The following XKR6 variants were observed in gnomAD, a reference collection of about 807,000 sequenced individuals.
The protein encoded by XKR6 is XK related 6, also known as XK-related protein 6.
XKR6 carries 22 observed loss-of-function variants against 56.7 expected under a neutral mutation model. The observed-to-expected ratio is 0.39, with a 90% CI of 0.28 to 0.55. XKR6 has a LOEUF of 0.55. Ranked by LOEUF, XKR6 falls within the 20% of genes least tolerant of loss-of-function variation. The pLI is 0.66. For missense variants in XKR6, 852 were observed against 889.0 expected (o/e 0.96, Z 0.53); for synonymous variants, 524 against 387.8 (o/e 1.35, Z -4.13).
At chr8:11,038,596 A>G (rs964292330) in intron 1 of XKR6, among the ~76,000 whole-genome samples, 2 of 149,166 alleles carry the variant, frequency 1.3e-5, no homozygotes, top group Non-Finnish European at 3.0e-5. Context: ...GTGCAGTTGT[A>G]TGATCACAGC....
intron 1 of XKR6, among the ~76,000 whole-genome samples, chr8:11,050,281 G>T (rs1241588974): frequency 6.6e-6 from 1 of 152,146 alleles, no homozygotes; most frequent in African/African-American, 2.4e-5. Flanking sequence ...CTATCGTCGA[G>T]ATCGCGGCTG....
At chr8:11,082,116 C>G (rs1278246761) in intron 1 of XKR6, among the ~76,000 whole-genome samples, 1 of 152,210 alleles carries the variant, frequency 6.6e-6, no homozygotes, top group Non-Finnish European at 1.5e-5. Flanking sequence ...GAAGATGCTG[C>G]CGTCGGGTGA....
At chr8:11,146,771 C>G (rs1801007222) in intron 1 of XKR6, among the ~76,000 whole-genome samples, 1 of 151,916 alleles carries the variant, frequency 6.6e-6, no homozygotes, top group African/African-American at 2.4e-5. Context: ...TAAACACACA[C>G]AATGAAAAAA....
At chr8:11,081,611 T>C (rs1563123514) in intron 1 of XKR6, among the ~76,000 whole-genome samples, 1 of 152,212 alleles carries the variant, frequency 6.6e-6, no homozygotes, top group Non-Finnish European at 1.5e-5. Flanking sequence ...TCCTCGGCAG[T>C]AACTTCACTC....
At chr8:11,079,861 G>C (rs1161404080) in intron 1 of XKR6, among the ~76,000 whole-genome samples, 2 of 152,128 alleles carry the variant, frequency 1.3e-5, no homozygotes, top group African/African-American at 4.8e-5. Context: ...CAGCCACTCA[G>C]AAGGCTGAGG....
At chr8:11,105,988 T>G (rs1454576959) in intron 1 of XKR6, 1 of 152,272 alleles carries the variant, frequency 6.6e-6, no homozygotes, top group Non-Finnish European at 1.5e-5. Flanking sequence ...CACTTAATTT[T>G]TATTACACCA....
intron 1 of XKR6, among the ~76,000 whole-genome samples, chr8:10,998,252 A>G (rs1294028780): frequency 1.3e-5 from 2 of 151,966 alleles, no homozygotes; most frequent in Non-Finnish European, 2.9e-5. Flanking sequence ...AGGAGAAGAA[A>G]GAGAAGGAGT....
intron 1 of XKR6, chr8:11,108,451 GAAGA>G: frequency 2.4e-6 from 1 of 425,000 alleles, no homozygotes; most frequent in Non-Finnish European, 4.7e-6. Context: ...AGAAATGTTA[GAAGA>G]AATATGTTCA....
chr8:11,105,139 G>C (rs529981279), intron 1 of XKR6: 1 of 152,238 alleles, frequency 6.6e-6, no homozygotes, highest in East Asian at 1.9e-4. Context: ...AGGTCCTCTA[G>C]GCAGAACTGA....
At chr8:11,132,449 G>A (rs1350424652) in intron 1 of XKR6, among the ~76,000 whole-genome samples, 3 of 151,066 alleles carry the variant, frequency 2.0e-5, no homozygotes, top group Non-Finnish European at 2.9e-5. Context: ...TGCAACCTCC[G>A]CCTCCCAGGC....
At chr8:11,176,693 C>T (rs761072670) in intron 1 of XKR6, among the ~76,000 whole-genome samples, 1 of 152,066 alleles carries the variant, frequency 6.6e-6, no homozygotes, top group African/African-American at 2.4e-5. Flanking sequence ...GCCACAGCCT[C>T]GAGGACTCTT....
chr8:10,975,118 CT>C (rs1360670411), intron 1 of XKR6, among the ~76,000 whole-genome samples: 2 of 152,168 alleles, frequency 1.3e-5, no homozygotes, highest in African/African-American at 4.8e-5. Context: ...CCTTGCTGCC[CT>C]GATGCTCCCA....
At chr8:11,053,411 G>C (rs1257210946) in intron 1 of XKR6, among the ~76,000 whole-genome samples, 22 of 152,332 alleles carry the variant, frequency 1.4e-4, no homozygotes, top group African/African-American at 1.9e-4. Context: ...ATCAATCCCA[G>C]GTCCTTCTGG....
chr8:10,927,263 C>G (rs367894459), intron 1 of XKR6, among the ~76,000 whole-genome samples: 97 of 152,226 alleles, frequency 6.4e-4, no homozygotes, highest in African/African-American at 2.3e-3. Flanking sequence ...GGCAGGGCTG[C>G]GTGCCCAGAT....
At chr8:11,155,957 G>C (rs1801500390) in intron 1 of XKR6, among the ~76,000 whole-genome samples, 1 of 152,178 alleles carries the variant, frequency 6.6e-6, no homozygotes, top group African/African-American at 2.4e-5. Flanking sequence ...TATTCTGTGT[G>C]AACTCAACCC....
intron 1 of XKR6, among the ~76,000 whole-genome samples, chr8:11,058,846 T>C (rs1197462468): frequency 6.6e-6 from 1 of 152,140 alleles, no homozygotes; most frequent in Non-Finnish European, 1.5e-5. Flanking sequence ...CAGAACTTAG[T>C]AAAATTTTTA....
intron 1 of XKR6, among the ~76,000 whole-genome samples, chr8:11,089,957 T>C (rs1798012001): frequency 6.6e-6 from 1 of 152,282 alleles, no homozygotes; most frequent in Non-Finnish European, 1.5e-5. Context: ...GGTTTTGTAC[T>C]GTAGATATTC....
intron 1 of XKR6, among the ~76,000 whole-genome samples, chr8:11,178,051 A>G (rs766275608): frequency 1.3e-3 from 193 of 152,266 alleles, no homozygotes; most frequent in Non-Finnish European, 2.2e-3. Flanking sequence ...CACAGCACAG[A>G]AAGCAGAGTG....
intron 1 of XKR6, among the ~76,000 whole-genome samples, chr8:11,171,770 G>A (rs529034385): frequency 7.0e-4 from 106 of 151,670 alleles, no homozygotes; most frequent in African/African-American, 2.4e-3. Context: ...ACCCAGTCTC[G>A]GGCCAGGTGC....
Sources: allele counts gnomAD v4.1 joint callset (sites outside exome capture counted in the v4.1 genomes callset), GRCh38; gene constraint gnomAD v4.1.1; transcripts MANE v1.5; gene names NCBI Gene and HGNC (gene_info 2026-07-23, HGNC 2026-07-21).